The following C5AR2 variants were observed in gnomAD, a reference collection of about 807,000 sequenced individuals.
The protein encoded by C5AR2 is complement C5a receptor 2, also known as C5a anaphylatoxin chemotactic receptor 2.
For missense variants in C5AR2, 458 were observed against 467.5 expected (o/e 0.98, Z 0.19); for synonymous variants, 224 against 216.5 (o/e 1.03, Z -0.30).
At chr19:47,334,952 T>A (rs180953988) in intron 1 of C5AR2, among the ~76,000 whole-genome samples, 2 of 151,882 alleles carry the variant, frequency 1.3e-5, no homozygotes, top group Non-Finnish European at 1.5e-5. Context: ...TGGTGTGATC[T>A]CAGCTGACTG....
intron 1 of C5AR2, among the ~76,000 whole-genome samples, 186 bp from the exon 2 acceptor site, chr19:47,340,599 T>C (rs1968996106): frequency 6.6e-6 from 1 of 152,092 alleles, no homozygotes; most frequent in African/African-American, 2.4e-5. Flanking sequence ...CCTCCCAAAG[T>C]GTTAAGATTA....
chr19:47,345,669 G>C lies in C5AR2; in HGVS notation c.*3856G>C, dbSNP rs1386133453. 1 of 151,854 alleles carries C rather than the reference G, an allele frequency of 6.6e-6. No individual in the cohort carries two copies. The highest frequency in any genetic ancestry group is 1.9e-4 in the East Asian group (1 of 5,176). The allele number at this position is 151,854 out of a possible 1,614,324, so 9.4% of individuals were successfully genotyped here. A position where few individuals can be genotyped will look rare whatever the true frequency, so the allele number is the denominator to read the frequency against. Reference sequence around the variant, plus strand: ...ATTACAGACATGAGCCACCACGCCCGGCCTGATATTTTATTACTTAGTATT... The same window carrying C: ...ATTACAGACATGAGCCACCACGCCCCGCCTGATATTTTATTACTTAGTATT... On this transcript the variant is annotated 3_prime_UTR_variant, in exon 2 of 2. Coordinates refer to ENST00000595464, the MANE Select transcript of C5AR2 (RefSeq NM_001271749.2).
rs550011562 is a variant in C5AR2 at position 47,334,555 on chromosome 19, C to T, written c.-16+2206C>T. On this transcript the variant is annotated intron_variant, in intron 1 of 1. Coordinates refer to ENST00000595464, the MANE Select transcript of C5AR2 (RefSeq NM_001271749.2). Reference sequence around the variant, plus strand: ...GGCTGAGGCAGGAGGATCAGTTGAGCCTAGGAGGTAGAGGCTGTGGTGAGC... The same window carrying T: ...GGCTGAGGCAGGAGGATCAGTTGAGTCTAGGAGGTAGAGGCTGTGGTGAGC... 1.5e-3 allele frequency among the ~76,000 whole-genome samples: 229 copies of T among 151,870 alleles called. 1 individual carries two copies. The highest frequency in any genetic ancestry group is 2.7e-3 in the Non-Finnish European group (184 of 67,980).
intron 1 of C5AR2, among the ~76,000 whole-genome samples, chr19:47,335,066 TA>T (rs11288530): frequency 0.97 from 143,021 of 147,578 alleles, 69,275 homozygotes; most frequent in East Asian, 0.99. Flanking sequence ...TTTTTTTTTT[TA>T]AATCTTTAGC....
In C5AR2 at chr19:47,343,974, A is replaced by C. The variant is rs1969082814; in HGVS notation, c.*2161A>C. On this transcript the variant is annotated 3_prime_UTR_variant, in exon 2 of 2. Coordinates refer to ENST00000595464, the MANE Select transcript of C5AR2 (RefSeq NM_001271749.2). ...GACAGCACAGCTATAGAACATTGCC[A>C]TCATAACAGAGATTTCTGTTACAAA... The C allele has an allele frequency of 6.6e-6, 1 of 152,212 alleles. No homozygotes were observed. 9.4% of individuals were successfully genotyped at this position (152,212 alleles called of 1,614,324 possible).
intron 1 of C5AR2, among the ~76,000 whole-genome samples, chr19:47,336,789 C>T (rs2059360148): frequency 6.6e-6 from 1 of 152,116 alleles, no homozygotes; most frequent in Non-Finnish European, 1.5e-5. Context: ...ACTGGGATTA[C>T]AGGTGTGAGC....
In C5AR2 at chr19:47,341,593, T is replaced by C; in HGVS notation, c.794T>C (p.Leu265Pro). ...VLTVAAPNSA[L>P]LARALRAEPL... ...ACTGTGGCGGCCCCGAACTCCGCAC[T>C]CCTGGCCAGGGCCCTGCGGGCTGAA... Residue 265 changes from leucine to proline, a missense_variant, in exon 2 of 2, where the codon CTC (leucine) becomes CCC (proline). Physicochemically the swap from Leu to Pro is moderately conservative, Grantham distance 98. Coordinates refer to ENST00000595464, the MANE Select transcript of C5AR2 (RefSeq NM_001271749.2). This position sits in a 1 kb window ranked among gnomAD's most constrained non-coding sequence, Gnocchi z 4.6. 1.2e-6 allele frequency: 2 copies of C among 1,613,874 alleles called. No individual in the cohort carries two copies. Among genetic ancestry groups the C allele is most frequent in the Non-Finnish European group, 1.7e-6 (2 of 1,179,940 alleles).
Position 47,345,918 on chromosome 19 carries a change from GCT to G in C5AR2, c.*4108_*4109del, listed in dbSNP as rs1838401010. The G allele has an allele frequency of 6.6e-6, 1 of 151,530 alleles. No individual in the cohort carries two copies. The highest frequency in any genetic ancestry group is 6.6e-5 in the Admixed American group (1 of 15,212). The allele number at this position is 151,530 out of a possible 1,614,324, so 9.4% of individuals were successfully genotyped here. The stretch of plus-strand genomic sequence containing the variant: ...TTTTATTTTTTGGAGAAGGAGTCTT[GCT>G]CTGTTACCCAGGCTGGAGTGCAGTG... On this transcript the variant is annotated 3_prime_UTR_variant, in exon 2 of 2. Transcript: ENST00000595464.
At position 47,342,082 on chromosome 19, in the gene C5AR2, C is replaced by T. The variant is rs897055354; in HGVS notation, c.*269C>T. Reference sequence around the variant, plus strand: ...AAACAAAGATATATAGGGCCATTTGCGGTGGCTCACGCCTGTAATTCCAGG... The same window carrying T: ...AAACAAAGATATATAGGGCCATTTGTGGTGGCTCACGCCTGTAATTCCAGG... On this transcript the variant is annotated 3_prime_UTR_variant, in exon 2 of 2. Coordinates refer to ENST00000595464, the MANE Select transcript of C5AR2 (RefSeq NM_001271749.2). 1.2e-4 allele frequency: 44 copies of T among 372,152 alleles called. No homozygotes were observed. Among genetic ancestry groups the T allele is most frequent in the Middle Eastern group, 8.3e-4 (1 of 1,212 alleles). The allele number at this position is 372,152 out of a possible 1,614,324, so 23.1% of individuals were successfully genotyped here. A position where few individuals can be genotyped will look rare whatever the true frequency, so the allele number is the denominator to read the frequency against.
chr19:47,347,270 T>C lies in C5AR2; in HGVS notation c.*5457T>C, dbSNP rs1181494218. ...CTGTGGCTTTCTTGTTGATTTCCAT[T>C]TGTTGTTCATTTCCTCCAATTTTCC... On this transcript the variant is annotated 3_prime_UTR_variant, in exon 2 of 2. Transcript: ENST00000595464. 3 of 151,630 alleles carry C rather than the reference T, an allele frequency of 2.0e-5. No homozygotes were observed. The highest frequency in any genetic ancestry group is 6.6e-5 in the Admixed American group (1 of 15,248). The allele number at this position is 151,630 out of a possible 1,614,324, so 9.4% of individuals were successfully genotyped here. A position where few individuals can be genotyped will look rare whatever the true frequency, so the allele number is the denominator to read the frequency against.
At chr19:47,335,933 T>C (rs1467637170) in intron 1 of C5AR2, among the ~76,000 whole-genome samples, 1 of 151,788 alleles carries the variant, frequency 6.6e-6, no homozygotes, top group African/African-American at 2.4e-5. Context: ...AAACCAGCGC[T>C]ATACACTCAG....
Position 47,341,616 on chromosome 19 carries a change from GAA to G in C5AR2, c.818_819del (p.Glu273AlafsTer57). ...ACTCCTGGCCAGGGCCCTGCGGGCT[GAA>G]CCCCTCATCGTGGGCCTTGCCCTCG... ...SALLARALRA[E>X]PLIVGLALAH... On this transcript the variant is annotated frameshift_variant, in exon 2 of 2. Coordinates refer to ENST00000595464, the MANE Select transcript of C5AR2 (RefSeq NM_001271749.2). LOFTEE classifies it low-confidence loss of function (END_TRUNC). The surrounding 1 kb of genome is among the most constrained non-coding windows in gnomAD (Gnocchi z 4.6). 6.2e-7 allele frequency: 1 copy of G among 1,613,994 alleles called. No homozygotes were observed. Among genetic ancestry groups the G allele is most frequent in the Non-Finnish European group, 8.5e-7 (1 of 1,179,984 alleles).
rs1022405383 is a variant in C5AR2, at chr19:47,345,012, A to G, written c.*3199A>G. 1 of 152,094 alleles carries G rather than the reference A, an allele frequency of 6.6e-6. No individual in the cohort carries two copies. Among genetic ancestry groups the G allele is most frequent in the African/African-American group, 2.4e-5 (1 of 41,410 alleles). 9.4% of individuals were successfully genotyped at this position (152,094 alleles called of 1,614,324 possible). On this transcript the variant is annotated 3_prime_UTR_variant, in exon 2 of 2. Coordinates refer to ENST00000595464, the MANE Select transcript of C5AR2 (RefSeq NM_001271749.2). ...GGTCTCGAACTCCTGACCTCAGGTG[A>G]TCCACCCACCTTGGCCTCCCAAAGT...
Position 47,341,066 on chromosome 19 carries a change from C to A in C5AR2, c.267C>A (p.Ile89=), listed in dbSNP as rs150649665. 8.1e-6 allele frequency: 13 copies of A among 1,605,876 alleles called. No individual in the cohort carries two copies. In the African/African-American group the frequency reaches 1.7e-4, roughly 21 times the overall value. The change falls in exon 2 of 2, where the codon ATC becomes ATA. Residue 89 remains isoleucine (I), a synonymous_variant. Transcript: ENST00000595464. This position sits in a 1 kb window ranked among gnomAD's most constrained non-coding sequence, Gnocchi z 4.6. ...TGCTGTGCTGTTTGTCTCTGCCCAT[C>A]CTGGCAGTGCCCATTGCCCGTGGAG... The part of the protein sequence containing the change: ...ADLLCCLSLP[I]LAVPIARGGH...
In C5AR2 at chr19:47,341,030, C is replaced by T. The variant is rs766603450; in HGVS notation, c.231C>T (p.Ala77=). Residue 77 remains alanine, a synonymous_variant, in exon 2 of 2, where the codon GCC becomes GCT. Coordinates refer to ENST00000595464, the MANE Select transcript of C5AR2 (RefSeq NM_001271749.2). The surrounding 1 kb of genome is among the most constrained non-coding windows in gnomAD (Gnocchi z 4.6). The part of the protein sequence containing the change: ...RVGATWLLHL[A]VADLLCCLSL... ...GTGCCACCTGGTTGCTCCACCTGGC[C>T]GTGGCGGATTTGCTGTGCTGTTTGT... 1.2e-5 allele frequency: 19 copies of T among 1,607,812 alleles called. No homozygotes were observed. Among genetic ancestry groups the T allele is most frequent in the East Asian group, 6.7e-5 (3 of 44,892 alleles).
rs552512474 is a variant in C5AR2, at chr19:47,346,894, G to A, written c.*5081G>A. 3.3e-5 allele frequency: 5 copies of A among 152,132 alleles called. No individual in the cohort carries two copies. Among genetic ancestry groups the A allele is most frequent in the Non-Finnish European group, 5.9e-5 (4 of 68,030 alleles). The allele number at this position is 152,132 out of a possible 1,614,324, so 9.4% of individuals were successfully genotyped here. A position where few individuals can be genotyped will look rare whatever the true frequency, so the allele number is the denominator to read the frequency against. On this transcript the variant is annotated 3_prime_UTR_variant, in exon 2 of 2. Coordinates refer to ENST00000595464, the MANE Select transcript of C5AR2 (RefSeq NM_001271749.2). ...TGCAAAATCCTCCCATTAATCTATT[G>A]GGACCAGTTGCCACTTAGGAGCATT...
rs866502936 is a variant in C5AR2 at position 47,342,820 on chromosome 19, G to A, written c.*1007G>A. ...ATTTGGATCAGGGTAACAGAGCTGA[G>A]GTGGTGAGAGGCTGACAGGTCATGC... On this transcript the variant is annotated 3_prime_UTR_variant, in exon 2 of 2. Transcript: ENST00000595464. The A allele has an allele frequency of 2.0e-5, 3 of 152,336 alleles. No homozygotes were observed. Among genetic ancestry groups the A allele is most frequent in the Non-Finnish European group, 4.4e-5 (3 of 68,230 alleles). The allele number at this position is 152,336 out of a possible 1,614,324, so 9.4% of individuals were successfully genotyped here.
chr19:47,340,989 G>T lies in C5AR2; in HGVS notation c.190G>T (p.Ala64Ser). The T allele has an allele frequency of 1.2e-6, 2 of 1,610,202 alleles. No homozygotes were observed. The highest frequency in any genetic ancestry group is 2.2e-5 in the South Asian group (2 of 91,072). The stretch of plus-strand genomic sequence containing the variant: ...GGTGGCCTGGGTGGCTGGGAAGGTG[G>T]CCCGCCGGAGGGTGGGTGCCACCTG... ...AMVAWVAGKV[A>S]RRRVGATWLL... Residue 64 changes from alanine (A) to serine (S), a missense_variant, in exon 2 of 2, where the codon GCC (alanine) becomes TCC (serine). By Grantham distance (99) the Ala-to-Ser change is moderately conservative. Transcript: ENST00000595464.
At chr19:47,335,752 A>G (rs1216406115) in intron 1 of C5AR2, among the ~76,000 whole-genome samples, 2 of 116,164 alleles carry the variant, frequency 1.7e-5, no homozygotes, top group Middle Eastern at 4.5e-3. Context: ...AGCCTGGGCG[A>G]CAGAGTGATA....
Sources: gnomAD v4.1 joint callset for allele counts (sites outside exome capture counted in the v4.1 genomes callset) on GRCh38, gnomAD v4.1.1 for gene constraint, Gnocchi (gnomAD v3.1) non-coding constraint, MANE v1.5 for transcripts, NCBI Gene and HGNC (gene_info 2026-07-23, HGNC 2026-07-21) for gene names.